RORA: variants seen among roughly 807,000 people sequenced by gnomAD.
The protein encoded by RORA is RAR related orphan receptor A.
Under a neutral mutation model 69.5 loss-of-function variants are expected in RORA, and 7 were observed. The observed-to-expected ratio is 0.10, with a 90% CI of 0.06 to 0.19. RORA has a LOEUF of 0.19. Ranked by LOEUF, RORA falls within the 10% of genes least tolerant of loss-of-function variation. The probability of loss-of-function intolerance (pLI) is 1.00; values close to 1 mark genes in which losing one functional copy is unlikely to be tolerated. For synonymous variants in RORA, 261 were observed against 240.8 expected (o/e 1.08, Z -0.78); for missense variants, 457 against 663.0 (o/e 0.69, Z 3.41).
chr15:61,139,001 A>G (rs997010839), intron 1 of RORA, among the ~76,000 whole-genome samples: 3 of 151,972 alleles, frequency 2.0e-5, no homozygotes, highest in East Asian at 1.9e-4. Flanking sequence ...AAAATTAGCC[A>G]GGCGTGGTGG....
chr15:60,784,258 G>C (rs747718891), intron 1 of RORA, among the ~76,000 whole-genome samples: 6 of 152,172 alleles, frequency 3.9e-5, no homozygotes, highest in Non-Finnish European at 8.8e-5. Context: ...TGTTGTTCAT[G>C]TTATTCCTTT....
intron 1 of RORA, among the ~76,000 whole-genome samples, chr15:61,071,804 A>G (rs534808414): frequency 6.6e-6 from 1 of 152,154 alleles, no homozygotes; most frequent in South Asian, 2.1e-4. Flanking sequence ...AGATGTAAAG[A>G]CAAAGTGTTA....
At chr15:61,224,832 T>G (rs2080131166) in intron 1 of RORA, among the ~76,000 whole-genome samples, 1 of 152,154 alleles carries the variant, frequency 6.6e-6, no homozygotes, top group Admixed American at 6.5e-5. Flanking sequence ...GAACCAGAAG[T>G]GTGTGCTACA....
chr15:60,800,933 G>A (rs1286011575), intron 1 of RORA, among the ~76,000 whole-genome samples: 3 of 152,202 alleles, frequency 2.0e-5, no homozygotes, highest in Non-Finnish European at 4.4e-5. Flanking sequence ...CAGGGGCCAC[G>A]TTGAGCCTGC....
intron 1 of RORA, among the ~76,000 whole-genome samples, chr15:60,718,475 G>GA (rs2071248817): frequency 6.6e-6 from 1 of 152,126 alleles, no homozygotes; most frequent in Non-Finnish European, 1.5e-5. Flanking sequence ...AAATTGAATA[G>GA]AAAAAACACT....
At chr15:60,899,072 G>A (rs1891313850) in intron 1 of RORA, among the ~76,000 whole-genome samples, 1 of 152,224 alleles carries the variant, frequency 6.6e-6, no homozygotes, top group African/African-American at 2.4e-5. Flanking sequence ...AAGAGCAGCA[G>A]CTCATCTGCA....
intron 1 of RORA, among the ~76,000 whole-genome samples, chr15:60,746,079 TATC>T (rs938129295): frequency 2.3e-4 from 35 of 152,202 alleles, no homozygotes; most frequent in Non-Finnish European, 5.0e-4. Flanking sequence ...TTTTCCAAAA[TATC>T]ATAGTATTTC....
At chr15:60,575,823 G>A (rs1477463042) in intron 2 of RORA, among the ~76,000 whole-genome samples, 2 of 152,184 alleles carry the variant, frequency 1.3e-5, no homozygotes, top group South Asian at 2.1e-4. Flanking sequence ...GCCTAAACAT[G>A]AGCCATTTTA....
chr15:60,652,482 A>C (rs1364053683), intron 2 of RORA, among the ~76,000 whole-genome samples: 3 of 152,200 alleles, frequency 2.0e-5, no homozygotes, highest in African/African-American at 7.2e-5. Context: ...GCAGGGTGGT[A>C]GATCCCGAGA....
At chr15:61,077,539 C>T (rs886202734) in intron 1 of RORA, among the ~76,000 whole-genome samples, 5 of 152,108 alleles carry the variant, frequency 3.3e-5, no homozygotes, top group Non-Finnish European at 4.4e-5. Context: ...AAGCCATGAC[C>T]CTCTGTCTAG....
intron 1 of RORA, among the ~76,000 whole-genome samples, chr15:60,931,047 T>G (rs1470264560): frequency 1.3e-5 from 2 of 152,166 alleles, no homozygotes; most frequent in African/African-American, 4.8e-5. Flanking sequence ...ATGTGTATTT[T>G]AAATGGCAGG....
At chr15:61,015,965 C>A (rs759487852) in intron 1 of RORA, among the ~76,000 whole-genome samples, 1 of 152,114 alleles carries the variant, frequency 6.6e-6, no homozygotes, top group Non-Finnish European at 1.5e-5. Context: ...CCAGGGGGAA[C>A]GTGGCCAAGA....
At chr15:60,941,548 C>G (rs1481523159) in intron 1 of RORA, among the ~76,000 whole-genome samples, 1 of 152,226 alleles carries the variant, frequency 6.6e-6, no homozygotes, top group South Asian at 2.1e-4. Flanking sequence ...CAGCCTCGGG[C>G]TGAGTTCCCT....
chr15:60,705,101 G>A (rs373139965), intron 1 of RORA, among the ~76,000 whole-genome samples: 3 of 146,636 alleles, frequency 2.0e-5, no homozygotes, highest in South Asian at 4.5e-4. Flanking sequence ...TAAGAGTATC[G>A]TTCTCATTAT....
intron 1 of RORA, chr15:60,849,023 T>C (rs993486670): frequency 5.3e-5 from 8 of 152,214 alleles, no homozygotes; most frequent in Admixed American, 6.5e-5. Flanking sequence ...ATAGCAGCAA[T>C]AGGAAATCAA....
intron 1 of RORA, among the ~76,000 whole-genome samples, chr15:60,696,510 T>C (rs968678746): frequency 3.3e-5 from 5 of 152,198 alleles, no homozygotes; most frequent in African/African-American, 9.7e-5. Flanking sequence ...TGATTTCCTA[T>C]AGTTTTAAAG....
At chr15:60,829,813 T>C (rs913313846) in intron 1 of RORA, among the ~76,000 whole-genome samples, 5 of 152,220 alleles carry the variant, frequency 3.3e-5, no homozygotes, top group East Asian at 1.9e-4. Context: ...TATTAATGTC[T>C]TCAGTGAACA....
chr15:60,805,921 A>G (rs1293045039), intron 1 of RORA, among the ~76,000 whole-genome samples: 2 of 152,250 alleles, frequency 1.3e-5, no homozygotes, highest in African/African-American at 4.8e-5. Flanking sequence ...CACAAGTCAC[A>G]GAAGTTTAAA....
At chr15:60,978,181 A>ACG (rs1566931494) in intron 1 of RORA, among the ~76,000 whole-genome samples, 4 of 151,930 alleles carry the variant, frequency 2.6e-5, no homozygotes, top group Admixed American at 6.6e-5. Context: ...TCATCATCAC[A>ACG]ATCATCAACA....
Sources: allele counts gnomAD v4.1 joint callset (sites outside exome capture counted in the v4.1 genomes callset), GRCh38; gene constraint gnomAD v4.1.1; transcripts MANE v1.5; gene names NCBI Gene and HGNC (gene_info 2026-07-23, HGNC 2026-07-21).